TTLL11: variants seen among roughly 807,000 people sequenced by gnomAD.
TTLL11 encodes the protein tubulin polyglutamylase TTLL11.
In TTLL11, 42 loss-of-function variants were observed where a neutral mutation model predicts 51.7. That is an observed-to-expected ratio of 0.81 (90% CI 0.64 to 1.05). The LOEUF (loss-of-function observed/expected upper bound fraction) is 1.05. TTLL11 is among the 50% of genes least tolerant of loss of function. The pLI is 0.00. For missense variants in TTLL11, 799 were observed against 940.4 expected (o/e 0.85, Z 1.97); for synonymous variants, 381 against 383.5 (o/e 0.99, Z 0.08).
rs542783283 is a variant in TTLL11, at chr9:122,068,922, T to C, written c.462+23765A>G. 3.3e-5 allele frequency among the ~76,000 whole-genome samples: 5 copies of C among 152,236 alleles called. No individual in the cohort carries two copies. In the East Asian group the frequency reaches 9.7e-4, roughly 29 times the overall value. On this transcript the variant is annotated intron_variant, in intron 1 of 8. Coordinates refer to ENST00000321582, the MANE Select transcript of TTLL11 (RefSeq NM_001139442.2). ...TCATGCTCTGTCCCCTTTTGCTGCC[T>C]GGGTGTGGGTGATGCAGAGACCCCA...
In TTLL11 at chr9:121,856,935, G is replaced by C. The variant is rs187144701; in HGVS notation, c.1840+3402C>G. The stretch of plus-strand genomic sequence containing the variant: ...AGACTGCTCCTTTTGCTACTCAGTA[G>C]CTTCCTGAACGGTCCTAAGAAGGTG... On this transcript the variant is annotated intron_variant, in intron 8 of 8. Coordinates refer to ENST00000321582, the MANE Select transcript of TTLL11 (RefSeq NM_001139442.2). Among the ~76,000 whole-genome samples, 5 of 152,350 alleles carry C rather than the reference G, an allele frequency of 3.3e-5. No homozygotes were observed. In the East Asian group the frequency reaches 9.7e-4, roughly 29 times the overall value.
intron 2 of TTLL11, among the ~76,000 whole-genome samples, chr9:122,034,965 C>T (rs1844661501): frequency 6.6e-6 from 1 of 152,186 alleles, no homozygotes; most frequent in Non-Finnish European, 1.5e-5. Context: ...AAAAGTCTGA[C>T]CTAGACTATG....
At chr9:122,029,684 G>T (rs912190714) in intron 3 of TTLL11, among the ~76,000 whole-genome samples, 1 of 152,128 alleles carries the variant, frequency 6.6e-6, no homozygotes, top group Non-Finnish European at 1.5e-5. Context: ...AGTAAGCTAA[G>T]GCTAATTTAT....
chr9:122,071,561 G>T (rs1029906818), intron 1 of TTLL11, among the ~76,000 whole-genome samples: 5 of 152,084 alleles, frequency 3.3e-5, no homozygotes, highest in African/African-American at 9.7e-5. Context: ...AGAGAGGAGA[G>T]ACACCAGCAA....
At chr9:121,931,856 C>T (rs1295446856) in intron 6 of TTLL11, among the ~76,000 whole-genome samples, 4 of 152,252 alleles carry the variant, frequency 2.6e-5, no homozygotes, top group Middle Eastern at 3.4e-3. Flanking sequence ...TGGCTCCTCT[C>T]GCCCCATCTT....
intron 8 of TTLL11, among the ~76,000 whole-genome samples, chr9:121,842,314 G>A (rs1837381624): frequency 6.6e-6 from 1 of 152,094 alleles, no homozygotes; most frequent in Non-Finnish European, 1.5e-5. Context: ...CTGGAGTGCA[G>A]TGATGTAATC....
intron 6 of TTLL11, among the ~76,000 whole-genome samples, chr9:121,973,085 T>C (rs57426025): frequency 0.12 from 17,856 of 152,266 alleles, 2,069 homozygotes; most frequent in African/African-American, 0.3. Context: ...ACTCAACACC[T>C]ACTTTGTGAG....
In TTLL11 at chr9:122,093,074, C is replaced by A; in HGVS notation, c.75G>T (p.Ala25=). 6.6e-7 allele frequency: 1 copy of A among 1,506,910 alleles called. No individual in the cohort carries two copies. The highest frequency in any genetic ancestry group is 1.2e-5 in the South Asian group (1 of 80,806). 93.3% of individuals were successfully genotyped at this position (1,506,910 alleles called of 1,614,324 possible). The change falls in exon 1 of 9, where the codon GCG becomes GCT. Residue 25 remains alanine, a synonymous_variant. Transcript: ENST00000321582. The stretch of plus-strand genomic sequence containing the variant: ...CTGTGGCCTCGGCCTCAGCTTTGGC[C>A]GCCGCTTTGGCCGCAGCCACCGCCT... ...EAEAVAAAKA[A]AKAEAEATAE...
chr9:121,903,851 G>C (rs117671837), intron 6 of TTLL11, among the ~76,000 whole-genome samples: 1 of 152,184 alleles, frequency 6.6e-6, no homozygotes, highest in Non-Finnish European at 1.5e-5. Flanking sequence ...TAAATGTAAA[G>C]TATTGAAAGA....
intron 3 of TTLL11, among the ~76,000 whole-genome samples, chr9:121,992,775 T>A (rs1354447830): frequency 6.6e-6 from 1 of 152,196 alleles, no homozygotes; most frequent in Non-Finnish European, 1.5e-5. Flanking sequence ...TCCGCGGGCC[T>A]ACTGAAAACT....
rs548683289 is a variant in TTLL11, at chr9:122,030,204, G to T, written c.693+1519C>A. 4.0e-4 allele frequency among the ~76,000 whole-genome samples: 43 copies of T among 106,652 alleles called. 1 individual carries two copies. Among genetic ancestry groups the T allele is most frequent in the African/African-American group, 1.4e-3 (32 of 22,574 alleles). The allele number at this position is 106,652 out of a possible 152,430, so 70.0% of individuals were successfully genotyped here. ...GCAGAGCCACAGAAGAGAGACATTG[G>T]GGGGGGGGGGGTAATTATGAGGAAC... On this transcript the variant is annotated intron_variant, in intron 3 of 8. Transcript: ENST00000321582.
chr9:121,966,291 C>T (rs1842395769), intron 6 of TTLL11, among the ~76,000 whole-genome samples: 1 of 152,170 alleles, frequency 6.6e-6, no homozygotes, highest in Non-Finnish European at 1.5e-5. Context: ...AGTCCATAAC[C>T]CAGCTCCCAG....
At chr9:121,903,262 G>C (rs1411681892) in intron 6 of TTLL11, among the ~76,000 whole-genome samples, 1 of 152,100 alleles carries the variant, frequency 6.6e-6, no homozygotes, top group Non-Finnish European at 1.5e-5. Context: ...AAATAGGAGA[G>C]TCAGGATTGG....
chr9:121,914,290 T>G (rs1403301553), intron 6 of TTLL11, among the ~76,000 whole-genome samples: 2 of 152,238 alleles, frequency 1.3e-5, no homozygotes, highest in East Asian at 3.8e-4. Flanking sequence ...GTGGCAGAGA[T>G]AGCCTGGCAG....
intron 6 of TTLL11, among the ~76,000 whole-genome samples, chr9:121,955,194 A>G (rs1253997333): frequency 1.3e-5 from 2 of 152,240 alleles, no homozygotes. Flanking sequence ...GTTTACTTCA[A>G]TCTTCCTGAA....
chr9:122,084,244 A>G (rs1846067056), intron 1 of TTLL11, among the ~76,000 whole-genome samples: 1 of 152,224 alleles, frequency 6.6e-6, no homozygotes, highest in Non-Finnish European at 1.5e-5. Context: ...AGCTTCATTA[A>G]GGGTGCGAAG....
At chr9:122,052,539 G>A (rs548546052) in intron 1 of TTLL11, among the ~76,000 whole-genome samples, 7 of 152,164 alleles carry the variant, frequency 4.6e-5, no homozygotes, top group Non-Finnish European at 7.4e-5. Flanking sequence ...TGCATAGCAG[G>A]TGTTCAAAAA....
In TTLL11 at chr9:121,950,799, C is replaced by T. The variant is rs564267836; in HGVS notation, c.1481+23210G>A. The stretch of plus-strand genomic sequence containing the variant: ...AGGAGCTTGTCGCCTGGGCTCCTAA[C>T]GACACGAGCTCTGGGATGAACCGAA... On this transcript the variant is annotated intron_variant, in intron 6 of 8. Transcript: ENST00000321582. 5.3e-5 allele frequency among the ~76,000 whole-genome samples: 8 copies of T among 152,280 alleles called. No individual in the cohort carries two copies. The South Asian group carries it at 8.3e-4, about 16-fold the overall frequency.
chr9:122,016,825 T>G (rs773185392), intron 3 of TTLL11, among the ~76,000 whole-genome samples: 2 of 152,192 alleles, frequency 1.3e-5, no homozygotes, highest in Non-Finnish European at 2.9e-5. Flanking sequence ...AATACTGTTT[T>G]GATAACAAAA....
Sources: allele counts gnomAD v4.1 joint callset (sites outside exome capture counted in the v4.1 genomes callset), GRCh38; gene constraint gnomAD v4.1.1; transcripts MANE v1.5; gene names NCBI Gene and HGNC (gene_info 2026-07-23, HGNC 2026-07-21).